C1orf87: variants seen among roughly 807,000 people sequenced by gnomAD.
The protein encoded by C1orf87 is uncharacterized protein C1orf87.
In C1orf87, 58 loss-of-function variants were observed where a neutral mutation model predicts 60.5. That is an observed-to-expected ratio of 0.96 (90% CI 0.78 to 1.19). The LOEUF is 1.19. Among genes scored for constraint, C1orf87 ranks in the 50% most tolerant of loss-of-function variants. The pLI, the probability that C1orf87 is intolerant of heterozygous loss-of-function variation, is 0.00. For synonymous variants in C1orf87, 236 were observed against 227.4 expected, an observed-to-expected ratio of 1.04 and a Z score of -0.34; for missense variants, 673 against 638.6, an observed-to-expected ratio of 1.05 and a Z score of -0.58.
intron 8 of C1orf87, among the ~76,000 whole-genome samples, chr1:60,011,147 G>A (rs1217745591): frequency 6.6e-6 from 1 of 151,922 alleles, no homozygotes; most frequent in African/African-American, 2.4e-5. Context: ...ATTCCCAAGT[G>A]GAAATTACAT....
chr1:60,038,373 C>G (rs980416232), intron 5 of C1orf87, among the ~76,000 whole-genome samples: 1 of 152,064 alleles, frequency 6.6e-6, no homozygotes, highest in Non-Finnish European at 1.5e-5. Flanking sequence ...TAACCAGAAC[C>G]GAGACCCTGT....
rs142093207 is a variant in C1orf87, at chr1:60,033,575, C to T, written c.930G>A (p.Met310Ile). The stretch of plus-strand genomic sequence containing the variant: ...GTCTGCCATTGGTTGTCCTTAGTGC[C>T]ATCTTCAAAATCTCCAACAGACTCC... Reference protein sequence around the residue: ...VNRSLLEILKMALRTTNGRLN... With the variant: ...VNRSLLEILKIALRTTNGRLN... The change falls in exon 7 of 12, where the codon ATG becomes ATA. Residue 310 changes from methionine to isoleucine, a missense_variant. By Grantham distance (10) the Met-to-Ile change is conservative. Coordinates refer to ENST00000371201, the MANE Select transcript of C1orf87 (RefSeq NM_152377.3). The T allele has an allele frequency of 5.6e-6, 9 of 1,613,344 alleles. No individual in the cohort carries two copies. The African/African-American group carries it at 1.2e-4, about 22-fold the overall frequency.
chr1:60,038,086 A>G lies in C1orf87; in HGVS notation c.769T>C (p.Trp257Arg). ...PEMVNYEKLL[W>R]FLNSAASDYP... ...TCTGATGCTGCACTGTTTAAAAACCAGAGTAGCTTTTCATAATTCACCTGA... is the reference window on the plus strand; with the variant it reads ...TCTGATGCTGCACTGTTTAAAAACCGGAGTAGCTTTTCATAATTCACCTGA... The change falls in exon 6 of 12, where the codon TGG (tryptophan) becomes CGG (arginine). Residue 257 changes from tryptophan to arginine, a missense_variant. Physicochemically the swap from Trp to Arg is moderately radical, Grantham distance 101. Coordinates refer to ENST00000371201, the MANE Select transcript of C1orf87 (RefSeq NM_152377.3). The G allele has an allele frequency of 6.4e-7, 1 of 1,564,452 alleles. No individual in the cohort carries two copies. Among genetic ancestry groups the G allele is most frequent in the South Asian group, 1.2e-5 (1 of 84,678 alleles).
intron 2 of C1orf87, among the ~76,000 whole-genome samples, chr1:60,067,560 G>T (rs1199547): frequency 0.13 from 7,515 of 58,680 alleles, 304 homozygotes; most frequent in Non-Finnish European, 0.15. Context: ...TTTTGATGGG[G>T]TTTTTTTTTT....
chr1:60,072,588 A>G lies in C1orf87; in HGVS notation c.56T>C (p.Val19Ala). Reference sequence around the variant, plus strand: ...AAAGTGTTTACTTCCAATGATTTTCACCATGATCTCAGGCATTGCATCTGA... The same window carrying G: ...AAAGTGTTTACTTCCAATGATTTTCGCCATGATCTCAGGCATTGCATCTGA... ...RGSDAMPEIM[V>A]KIIGSKHFQY... The change falls in exon 2 of 12, where the codon GTG (valine) becomes GCG (alanine). Residue 19 changes from valine to alanine, a missense_variant. Physicochemically the swap from Val to Ala is moderately conservative, Grantham distance 64. Transcript: ENST00000371201. The G allele has an allele frequency of 6.2e-7, 1 of 1,613,188 alleles. No individual in the cohort carries two copies. The highest frequency in any genetic ancestry group is 8.5e-7 in the Non-Finnish European group (1 of 1,179,908).
At chr1:60,062,307 C>T (rs1027807247) in intron 2 of C1orf87, among the ~76,000 whole-genome samples, 1 of 152,102 alleles carries the variant, frequency 6.6e-6, no homozygotes, top group Non-Finnish European at 1.5e-5. Flanking sequence ...CCTATTGGGA[C>T]CCAGACACAA....
rs544444427 is a variant in C1orf87 at position 60,061,801 on chromosome 1, A to C, written c.108-6363T>G. 1.4e-3 allele frequency among the ~76,000 whole-genome samples: 215 copies of C among 150,788 alleles called. 5 individuals are homozygous for C. Among genetic ancestry groups the C allele is most frequent in the African/African-American group, 5.0e-3 (205 of 41,130 alleles). On this transcript the variant is annotated intron_variant, in intron 2 of 11. Coordinates refer to ENST00000371201, the MANE Select transcript of C1orf87 (RefSeq NM_152377.3). ...CAAAAAAAAAAAAAAAAAAAAAAAA[A>C]ATAGCTGGGCTTTGTGGTGCACACC... is the stretch of plus-strand genomic sequence containing the variant.
At chr1:59,997,561 C>G (rs1435630741) in intron 11 of C1orf87, 48 bp downstream of exon 11, 8 of 1,588,700 alleles carry the variant, frequency 5.0e-6, no homozygotes, top group Non-Finnish European at 6.9e-6. Context: ...TACTTTTAGA[C>G]TAGACCACAA....
At chr1:59,994,991 A>T (rs1644953648) in intron 11 of C1orf87, among the ~76,000 whole-genome samples, 1 of 152,186 alleles carries the variant, frequency 6.6e-6, no homozygotes. Flanking sequence ...TGGCTGACAC[A>T]TTCCTTGGCT....
intron 2 of C1orf87, among the ~76,000 whole-genome samples, chr1:60,061,690 A>T (rs1645497261): frequency 6.8e-6 from 1 of 148,046 alleles, no homozygotes; most frequent in South Asian, 2.1e-4. Context: ...GTATAATCTC[A>T]TACTTTGGGA....
intron 11 of C1orf87, among the ~76,000 whole-genome samples, chr1:59,993,885 A>G (rs1023902973): frequency 4.0e-5 from 6 of 151,710 alleles, no homozygotes; most frequent in Non-Finnish European, 7.4e-5. Flanking sequence ...CAGCCTCCCA[A>G]GTAGCTGGGA....
At chr1:59,994,691 G>A (rs1644951089) in intron 11 of C1orf87, among the ~76,000 whole-genome samples, 2 of 151,954 alleles carry the variant, frequency 1.3e-5, no homozygotes, top group East Asian at 3.9e-4. Flanking sequence ...TCTCCTCAAG[G>A]CTATTTTGTT....
intron 3 of C1orf87, among the ~76,000 whole-genome samples, chr1:60,054,683 A>T (rs542930993): frequency 6.6e-6 from 1 of 152,274 alleles, no homozygotes; most frequent in South Asian, 2.1e-4. Flanking sequence ...CAAACTACTA[A>T]TCATATAGAT....
intron 3 of C1orf87, among the ~76,000 whole-genome samples, chr1:60,043,087 G>A (rs111592034): frequency 2.0e-5 from 3 of 152,306 alleles, no homozygotes; most frequent in African/African-American, 7.2e-5. Flanking sequence ...CCTCAAAGGT[G>A]CATGCATGCA....
rs181692659 is a variant in C1orf87 at position 60,009,022 on chromosome 1, C to T, written c.1192+1370G>A. Among the ~76,000 whole-genome samples the T allele has an allele frequency of 5.3e-5, 8 of 152,066 alleles. No individual in the cohort carries two copies. The East Asian group carries it at 1.5e-3, about 29-fold the overall frequency. ...AGTTACTAATGTCTGGATTACCTCCCTGTAGTGGATTGAATTGTGTCCTCC... is the reference window on the plus strand; with the variant it reads ...AGTTACTAATGTCTGGATTACCTCCTTGTAGTGGATTGAATTGTGTCCTCC... On this transcript the variant is annotated intron_variant, in intron 9 of 11. Coordinates refer to ENST00000371201, the MANE Select transcript of C1orf87 (RefSeq NM_152377.3).
intron 2 of C1orf87, among the ~76,000 whole-genome samples, chr1:60,059,224 C>T (rs1283319770): frequency 1.3e-5 from 2 of 152,148 alleles, no homozygotes; most frequent in East Asian, 3.9e-4. Context: ...GTTCTTCCTC[C>T]TAGGCTTGTG....
intron 5 of C1orf87, 46 bp from the exon 6 acceptor site, chr1:60,038,153 T>TC: frequency 7.9e-7 from 1 of 1,260,642 alleles, no homozygotes; most frequent in Non-Finnish European, 1.1e-6. Context: ...AATTTATATG[T>TC]AAGGAAAGAG....
chr1:60,002,406 G>GT (rs1645012434), intron 9 of C1orf87, among the ~76,000 whole-genome samples: 2 of 152,118 alleles, frequency 1.3e-5, no homozygotes, highest in South Asian at 4.2e-4. Flanking sequence ...TTTTTCATGT[G>GT]TTTTTTGGCT....
rs367939619 is a variant in C1orf87, at chr1:60,037,991, C to G, written c.863+1G>C. 1.0e-5 allele frequency: 16 copies of G among 1,599,754 alleles called. No individual in the cohort carries two copies. In the Admixed American group the frequency reaches 2.3e-4, roughly 23 times the overall value. ...ACCCTCACAAAAAGGGAGAAGAGTA[C>G]CTTTGGCTATGAGTGCCATGACTCT... is the stretch of plus-strand genomic sequence containing the variant. On this transcript the variant is annotated splice_donor_variant, in intron 6 of 11. Coordinates refer to ENST00000371201, the MANE Select transcript of C1orf87 (RefSeq NM_152377.3). LOFTEE classifies it high-confidence loss of function.
Sources: gnomAD v4.1 joint callset for allele counts (sites outside exome capture counted in the v4.1 genomes callset) on GRCh38, gnomAD v4.1.1 for gene constraint, MANE v1.5 for transcripts, NCBI Gene and HGNC (gene_info 2026-07-23, HGNC 2026-07-21) for gene names.